The following ZNF461 variants were observed in gnomAD, a reference collection of about 807,000 sequenced individuals.
The protein encoded by ZNF461 is gonadotropin-inducible ovarian transcription factor-1.
In ZNF461, 16 loss-of-function variants were observed where a neutral mutation model predicts 18.3. The ratio of observed to expected loss-of-function variants is 0.88; its 90% CI spans 0.59 to 1.33. The LOEUF is 1.33. Ranked by LOEUF, ZNF461 falls within the 40% of genes most tolerant of loss-of-function variation. The probability of loss-of-function intolerance (pLI) is 0.00; values close to 1 mark genes in which losing one functional copy is unlikely to be tolerated. For missense variants in ZNF461, 595 were observed against 669.9 expected (o/e 0.89, Z 1.23); for synonymous variants, 179 against 216.9 (o/e 0.83, Z 1.54).
chr19:36,662,994 A>G (rs1015218729), intron 2 of ZNF461, among the ~76,000 whole-genome samples: 10 of 152,146 alleles, frequency 6.6e-5, no homozygotes, highest in Non-Finnish European at 1.2e-4. Context: ...AATGTCTCTT[A>G]CTGCTGGTAA....
In ZNF461 at chr19:36,658,362, G is replaced by C; in HGVS notation, c.73C>G (p.Pro25Ala). The change falls in exon 3 of 6, where the codon CCA (proline) becomes GCA (alanine). Residue 25 changes from proline to alanine, a missense_variant. By Grantham distance (27) the Pro-to-Ala change is conservative. Coordinates refer to ENST00000588268, the MANE Select transcript of ZNF461 (RefSeq NM_153257.5). ...VSQEEWECLN[P>A]AQRNLYKEVM... ...TCCTTGTACAAATTCCTCTGCGCTG[G>C]GTTCAGGCATTCCCATTCCTCCTGA... 1.9e-6 allele frequency: 3 copies of C among 1,611,410 alleles called. No individual in the cohort carries two copies. Among genetic ancestry groups the C allele is most frequent in the Non-Finnish European group, 1.7e-6 (2 of 1,178,618 alleles).
Position 36,639,235 on chromosome 19 carries a change from T to C in ZNF461, c.1110A>G (p.Ser370=), listed in dbSNP as rs757720975. ...KECGKTFRHR[S]HLTIHQRIHT... is the part of the protein sequence containing the mutation. Reference sequence around the variant, plus strand: ...GAATTCTCTGATGTATAGTAAGATGTGAGCGATGCCTAAAAGTCTTTCCAC... The same window carrying C: ...GAATTCTCTGATGTATAGTAAGATGCGAGCGATGCCTAAAAGTCTTTCCAC... The change falls in exon 6 of 6, where the codon TCA becomes TCG. Residue 370 remains serine (S), a synonymous_variant. Coordinates refer to ENST00000588268, the MANE Select transcript of ZNF461 (RefSeq NM_153257.5). The C allele has an allele frequency of 1.2e-6, 2 of 1,614,138 alleles. No homozygotes were observed. Among genetic ancestry groups the C allele is most frequent in the South Asian group, 2.2e-5 (2 of 91,074 alleles).
At position 36,637,209 on chromosome 19, in the gene ZNF461, C is replaced by A. The variant is rs79595417; in HGVS notation, c.*1444G>T. Reference sequence around the variant, plus strand: ...TTTGACAATTTTCTTTTTTTTTTTTCTTTTTGAGACAGAGTCTCACTGTGT... The same window carrying A: ...TTTGACAATTTTCTTTTTTTTTTTTATTTTTGAGACAGAGTCTCACTGTGT... On this transcript the variant is annotated 3_prime_UTR_variant, in exon 6 of 6. Coordinates refer to ENST00000588268, the MANE Select transcript of ZNF461 (RefSeq NM_153257.5). 1 of 130,726 alleles carries A rather than the reference C, an allele frequency of 7.6e-6. No homozygotes were observed. The highest frequency in any genetic ancestry group is 7.6e-5 in the Admixed American group (1 of 13,238). The allele number at this position is 130,726 out of a possible 1,614,324, so 8.1% of individuals were successfully genotyped here. A position where few individuals can be genotyped will look rare whatever the true frequency, so the allele number is the denominator to read the frequency against.
chr19:36,660,457 C>T (rs1228110398), intron 2 of ZNF461, among the ~76,000 whole-genome samples: 2 of 151,944 alleles, frequency 1.3e-5, no homozygotes, highest in African/African-American at 4.8e-5. Flanking sequence ...GGCCCCTTCT[C>T]TAAAATTTAA....
rs990683155 is a variant in ZNF461 at position 36,637,480 on chromosome 19, A to G, written c.*1173T>C. 7.8e-5 allele frequency: 12 copies of G among 154,838 alleles called. No homozygotes were observed. The highest frequency in any genetic ancestry group is 3.9e-4 in the Admixed American group (6 of 15,318). The allele number at this position is 154,838 out of a possible 1,614,324, so 9.6% of individuals were successfully genotyped here. On this transcript the variant is annotated 3_prime_UTR_variant, in exon 6 of 6. Transcript: ENST00000588268. ...CTCCCAAAGTGCTGGGATTACAGGC[A>G]TGAGCCACCAAGCCTGGCCAATTTT...
intron 4 of ZNF461, among the ~76,000 whole-genome samples, chr19:36,650,509 A>G (rs888743957): frequency 1.7e-4 from 26 of 152,158 alleles, no homozygotes; most frequent in African/African-American, 6.3e-4. Context: ...AGTTTACTAA[A>G]CATTCATGTG....
intron 4 of ZNF461, among the ~76,000 whole-genome samples, chr19:36,654,366 C>CTTGA (rs74174424): frequency 0.039 from 5,995 of 151,986 alleles, 152 homozygotes; most frequent in Non-Finnish European, 0.057. Context: ...TTCTGTAGCA[C>CTTGA]TTGATTGATT....
intron 5 of ZNF461, among the ~76,000 whole-genome samples, chr19:36,641,620 C>G (rs2037426237): frequency 6.6e-6 from 1 of 150,734 alleles, no homozygotes. Context: ...TAAAAACAAC[C>G]TTTACAATAT....
chr19:36,639,438 A>G lies in ZNF461; in HGVS notation c.907T>C (p.Cys303Arg). 6.2e-7 allele frequency: 1 copy of G among 1,614,042 alleles called. No homozygotes were observed. The highest frequency in any genetic ancestry group is 8.5e-7 in the Non-Finnish European group (1 of 1,179,986). Residue 303 changes from cysteine (C) to arginine (R), a missense_variant, in exon 6 of 6, where the codon TGT becomes CGT. Coordinates refer to ENST00000588268, the MANE Select transcript of ZNF461 (RefSeq NM_153257.5). Reference sequence around the variant, plus strand: ...CTAAAGGCCTTCCCACATTCTTTACATTCATAAGGTTTCTCACCAGTGTGA... The same window carrying G: ...CTAAAGGCCTTCCCACATTCTTTACGTTCATAAGGTTTCTCACCAGTGTGA... ...RIHTGEKPYE[C>R]KECGKAFRQR... is the part of the protein sequence containing the mutation.
At chr19:36,650,938 A>C (rs947184254) in intron 4 of ZNF461, among the ~76,000 whole-genome samples, 3 of 151,134 alleles carry the variant, frequency 2.0e-5, no homozygotes, top group African/African-American at 7.2e-5. Context: ...TATCTACAAA[A>C]TTCCTAGAGC....
At chr19:36,650,970 G>A (rs1188407704) in intron 4 of ZNF461, among the ~76,000 whole-genome samples, 3 of 151,258 alleles carry the variant, frequency 2.0e-5, no homozygotes, top group Admixed American at 6.6e-5. Context: ...GGTGTCTCAC[G>A]CCTGTAATCC....
intron 4 of ZNF461, among the ~76,000 whole-genome samples, chr19:36,645,646 CT>C (rs201857460): frequency 2.6e-5 from 4 of 151,844 alleles, no homozygotes; most frequent in African/African-American, 7.2e-5. Flanking sequence ...TAACTGTTTT[CT>C]TTTTTTTGTG....
chr19:36,648,954 A>C (rs1271623385), intron 4 of ZNF461, among the ~76,000 whole-genome samples: 3 of 152,196 alleles, frequency 2.0e-5, no homozygotes, highest in Admixed American at 1.3e-4. Flanking sequence ...TGTTGGCCCC[A>C]GCAGCACAAG....
intron 1 of ZNF461, among the ~76,000 whole-genome samples, chr19:36,666,131 G>A (rs1244075550): frequency 1.4e-5 from 2 of 146,594 alleles, no homozygotes; most frequent in African/African-American, 5.0e-5. Context: ...TTTCACTCTT[G>A]TTGCCCAGGT....
chr19:36,647,807 G>A (rs1324069062), intron 4 of ZNF461, among the ~76,000 whole-genome samples: 1 of 151,988 alleles, frequency 6.6e-6, no homozygotes, highest in Non-Finnish European at 1.5e-5. Flanking sequence ...TTATGGGAGC[G>A]GTTTTCTCAT....
rs2037330922 is a variant in ZNF461 at position 36,638,048 on chromosome 19, A to G, written c.*605T>C. 1 of 218,542 alleles carries G rather than the reference A, an allele frequency of 4.6e-6. No homozygotes were observed. 13.5% of individuals were successfully genotyped at this position (218,542 alleles called of 1,614,324 possible). On this transcript the variant is annotated 3_prime_UTR_variant, in exon 6 of 6. Transcript: ENST00000588268. ...GCACAATAGAAACAAAAGAAGGTAA[A>G]ATTAGAGTTCTAGGTGAACATTAGA...
At chr19:36,664,417 G>A (rs1210631414) in intron 2 of ZNF461, among the ~76,000 whole-genome samples, 1 of 152,006 alleles carries the variant, frequency 6.6e-6, no homozygotes, top group African/African-American at 2.4e-5. Flanking sequence ...GCAAAACCCC[G>A]TATCTACTTA....
intron 4 of ZNF461, among the ~76,000 whole-genome samples, chr19:36,654,130 T>C (rs1005085730): frequency 6.6e-6 from 1 of 152,164 alleles, no homozygotes; most frequent in Admixed American, 6.5e-5. Context: ...TGTGAATCCA[T>C]AATTATTTCA....
At chr19:36,653,157 A>C (rs1017662700) in intron 4 of ZNF461, among the ~76,000 whole-genome samples, 1 of 152,202 alleles carries the variant, frequency 6.6e-6, no homozygotes, top group Non-Finnish European at 1.5e-5. Flanking sequence ...GACGGTACAA[A>C]CATTGTTGAC....
Sources: gnomAD v4.1 joint callset for allele counts (sites outside exome capture counted in the v4.1 genomes callset) on GRCh38, gnomAD v4.1.1 for gene constraint, MANE v1.5 for transcripts, NCBI Gene and HGNC (gene_info 2026-07-23, HGNC 2026-07-21) for gene names.